SCOC: variants seen among roughly 807,000 people sequenced by gnomAD.
The protein encoded by SCOC is short coiled coil protein.
SCOC carries 7 observed loss-of-function variants against 9.9 expected under a neutral mutation model. The observed-to-expected ratio is 0.71, with a 90% CI of 0.40 to 1.33. The LOEUF (loss-of-function observed/expected upper bound fraction) is 1.33, where lower values mean the gene tolerates loss of function less well. SCOC is among the 40% of genes most tolerant of loss of function. The probability of loss-of-function intolerance (pLI) is 0.01; values close to 1 mark genes in which losing one functional copy is unlikely to be tolerated. For synonymous variants in SCOC, 19 were observed against 28.2 expected (o/e 0.67, Z 1.03); for missense variants, 66 against 89.7 (o/e 0.74, Z 1.07).
intron 1 of SCOC, among the ~76,000 whole-genome samples, chr4:140,378,157 C>G (rs1276094509): frequency 6.6e-6 from 1 of 151,942 alleles, no homozygotes. Context: ...TTAACCCTGA[C>G]TAGGAGCTGA....
intron 1 of SCOC, among the ~76,000 whole-genome samples, chr4:140,263,536 G>A (rs1019247503): frequency 6.6e-6 from 1 of 152,142 alleles, no homozygotes; most frequent in Non-Finnish European, 1.5e-5. Flanking sequence ...ATGACACCGG[G>A]AGTGAAAGCA....
chr4:140,309,256 T>TCCATGAC (rs1226279621), intron 1 of SCOC, among the ~76,000 whole-genome samples: 2 of 152,216 alleles, frequency 1.3e-5, no homozygotes, highest in Non-Finnish European at 2.9e-5. Context: ...GCAGTGACTT[T>TCCATGAC]CCATGACCCT....
intron 1 of SCOC, among the ~76,000 whole-genome samples, chr4:140,287,313 CCA>C (rs1372072736): frequency 6.7e-6 from 1 of 149,518 alleles, no homozygotes; most frequent in East Asian, 2.0e-4. Flanking sequence ...ATACCATACA[CCA>C]CACATGTTTA....
intron 1 of SCOC, among the ~76,000 whole-genome samples, chr4:140,272,481 T>A (rs922209570): frequency 2.0e-5 from 3 of 152,178 alleles, no homozygotes; most frequent in Non-Finnish European, 4.4e-5. Context: ...CCACCTTACA[T>A]CCTCGATAAC....
chr4:140,307,268 T>G (rs1732021347), intron 1 of SCOC, among the ~76,000 whole-genome samples: 1 of 152,200 alleles, frequency 6.6e-6, no homozygotes. Context: ...ACTCTGCAAT[T>G]AACACTACTC....
At chr4:140,260,116 G>C (rs1418736769) in intron 1 of SCOC, among the ~76,000 whole-genome samples, 1 of 152,182 alleles carries the variant, frequency 6.6e-6, no homozygotes, top group Non-Finnish European at 1.5e-5. Flanking sequence ...ATTTTCCCTA[G>C]TGTTTTGAGT....
chr4:140,281,134 G>A (rs1731086774), intron 1 of SCOC, among the ~76,000 whole-genome samples: 1 of 152,126 alleles, frequency 6.6e-6, no homozygotes, highest in African/African-American at 2.4e-5. Context: ...CAGGCAAGCA[G>A]AGCGTGTTCC....
intron 1 of SCOC, among the ~76,000 whole-genome samples, chr4:140,295,692 A>G (rs1408341501): frequency 2.0e-5 from 3 of 152,192 alleles, no homozygotes; most frequent in Non-Finnish European, 4.4e-5. Flanking sequence ...CTGTAATCCC[A>G]GCACTTTGGG....
chr4:140,348,945 T>C (rs1035895247), intron 2 of SCOC, among the ~76,000 whole-genome samples: 1 of 152,228 alleles, frequency 6.6e-6, no homozygotes, highest in African/African-American at 2.4e-5. Flanking sequence ...TTAATTTGCA[T>C]TTCTCTGATG....
At chr4:140,309,328 T>C (rs1230422617) in intron 1 of SCOC, among the ~76,000 whole-genome samples, 1 of 152,204 alleles carries the variant, frequency 6.6e-6, no homozygotes, top group Non-Finnish European at 1.5e-5. Context: ...TCCTGCAGAA[T>C]GGAAGACCCA....
intron 1 of SCOC, among the ~76,000 whole-genome samples, chr4:140,325,075 T>C (rs1732608480): frequency 6.6e-6 from 1 of 152,060 alleles, no homozygotes; most frequent in East Asian, 1.9e-4. Flanking sequence ...GACAATGCAA[T>C]GGACATAGGA....
At chr4:140,355,207 A>ATT (rs200905375) in intron 2 of SCOC, among the ~76,000 whole-genome samples, 1 of 15,484 alleles carries the variant, frequency 6.5e-5, no homozygotes, top group African/African-American at 3.6e-4. Flanking sequence ...TATACATTAT[A>ATT]TTTTTATATA....
At chr4:140,293,730 C>G (rs1731544462) in intron 1 of SCOC, among the ~76,000 whole-genome samples, 1 of 152,174 alleles carries the variant, frequency 6.6e-6, no homozygotes, top group South Asian at 2.1e-4. Flanking sequence ...CAGCTGAGGG[C>G]TGTCAATCAG....
At chr4:140,362,297 T>TTCC (rs1578861022) in intron 2 of SCOC, among the ~76,000 whole-genome samples, 21 of 27,508 alleles carry the variant, frequency 7.6e-4, no homozygotes, top group African/African-American at 2.2e-3. Context: ...CTTCTTCTTC[T>TTCC]TCTTTTTTTT....
chr4:140,312,380 G>A (rs1732181521), intron 1 of SCOC, among the ~76,000 whole-genome samples: 1 of 152,084 alleles, frequency 6.6e-6, no homozygotes, highest in African/African-American at 2.4e-5. Flanking sequence ...AAAGTACAAG[G>A]AGGCCAAGAT....
chr4:140,272,493 C>G (rs1578758817), intron 1 of SCOC, among the ~76,000 whole-genome samples: 1 of 152,290 alleles, frequency 6.6e-6, no homozygotes, highest in Non-Finnish European at 1.5e-5. Context: ...CTCGATAACA[C>G]CTTTAATACC....
chr4:140,362,043 C>G (rs146213075), intron 2 of SCOC, among the ~76,000 whole-genome samples: 279 of 150,674 alleles, frequency 1.9e-3, no homozygotes, highest in South Asian at 0.013. Flanking sequence ...AGAGCAGACA[C>G]TGAGAGTGAT....
intron 1 of SCOC, among the ~76,000 whole-genome samples, chr4:140,317,293 C>G (rs1444547437): frequency 2.6e-5 from 4 of 152,112 alleles, no homozygotes; most frequent in African/African-American, 9.7e-5. Flanking sequence ...AACTAAAAGG[C>G]AGAAATGGAA....
intron 1 of SCOC, among the ~76,000 whole-genome samples, chr4:140,322,020 T>TCTAG (rs1732513583): frequency 6.6e-6 from 1 of 152,160 alleles, no homozygotes; most frequent in Non-Finnish European, 1.5e-5. Context: ...AGCAAGGAGC[T>TCTAG]CTAGCTAGCA....
Sources: gnomAD v4.1 joint callset for allele counts (sites outside exome capture counted in the v4.1 genomes callset) on GRCh38, gnomAD v4.1.1 for gene constraint, MANE v1.5 for transcripts, NCBI Gene and HGNC (gene_info 2026-07-23, HGNC 2026-07-21) for gene names.